Variants in NTN5 observed in about 807,000 individuals in gnomAD.
NTN5 encodes netrin-5.
Under a neutral mutation model 38.7 loss-of-function variants are expected in NTN5, and 42 were observed. The observed-to-expected ratio is 1.08, with a 90% CI of 0.85 to 1.40. NTN5 has a LOEUF of 1.40. Among genes scored for constraint, NTN5 ranks in the 40% most tolerant of loss-of-function variants. The pLI is 0.00. For synonymous variants in NTN5, 329 were observed against 303.9 expected (o/e 1.08, Z -0.86); for missense variants, 658 against 716.5 (o/e 0.92, Z 0.93).
chr19:48,665,557 G>A (rs932166843), intron 2 of NTN5, among the ~76,000 whole-genome samples: 9 of 151,394 alleles, frequency 5.9e-5, no homozygotes, highest in Non-Finnish European at 1.0e-4. Context: ...ACGATGGCTC[G>A]TGCCTGTAAT....
At chr19:48,664,072 T>C in intron 4 of NTN5, 71 bp downstream of exon 4, 1 of 1,501,824 alleles carries the variant, frequency 6.7e-7, no homozygotes, top group Non-Finnish European at 9.0e-7. Context: ...TCACTGCAGC[T>C]GTGCACTGGA....
intron 2 of NTN5, among the ~76,000 whole-genome samples, chr19:48,665,703 C>G (rs956382864): frequency 1.3e-4 from 20 of 151,682 alleles, no homozygotes; most frequent in Admixed American, 7.9e-4. Context: ...CCTGTAATCC[C>G]AGGTACTCAG....
rs770907066 is a variant in NTN5, at chr19:48,664,161, G to A, written c.952C>T (p.Pro318Ser). ...GACTTACGCTGGCAGGGCATCCTGG[G>A]GGAGCGGCTCTGCTGGTAGCCAGGG... is the stretch of plus-strand genomic sequence containing the variant. Reference protein sequence around the residue: ...CGPGYQQSRSPRMPCQRIPEA... With the variant: ...CGPGYQQSRSSRMPCQRIPEA... Residue 318 changes from proline (P) to serine (S), a missense_variant, in exon 4 of 7, where the codon CCC becomes TCC. Transcript: ENST00000270235. 1 of 1,608,262 alleles carries A rather than the reference G, an allele frequency of 6.2e-7. No homozygotes were observed. The highest frequency in any genetic ancestry group is 8.5e-7 in the Non-Finnish European group (1 of 1,177,708).
Position 48,661,517 on chromosome 19 carries a change from A to T in NTN5, c.*160T>A. On this transcript the variant is annotated 3_prime_UTR_variant, in exon 7 of 7. Transcript: ENST00000270235. Reference sequence around the variant, plus strand: ...GAAGTCCCGCTTGCCGCCTTTTGCTAAAAGTTCCGCACGCCTGCTCGGCGT... The same window carrying T: ...GAAGTCCCGCTTGCCGCCTTTTGCTTAAAGTTCCGCACGCCTGCTCGGCGT... 1.1e-6 allele frequency: 1 copy of T among 906,402 alleles called. No homozygotes were observed. Among genetic ancestry groups the T allele is most frequent in the Non-Finnish European group, 1.5e-6 (1 of 677,128 alleles). 56.1% of individuals were successfully genotyped at this position (906,402 alleles called of 1,614,324 possible).
chr19:48,665,234 G>A (rs939870167), intron 2 of NTN5, among the ~76,000 whole-genome samples: 4 of 150,912 alleles, frequency 2.7e-5, no homozygotes, highest in East Asian at 2.0e-4. Flanking sequence ...TCAGGAGTTC[G>A]AGACCCACAT....
At position 48,664,209 on chromosome 19, in the gene NTN5, C is replaced by T. The variant is rs369282024; in HGVS notation, c.904G>A (p.Gly302Ser). Residue 302 changes from glycine to serine, a missense_variant, in exon 4 of 7, where the codon GGC becomes AGC. Physicochemically the swap from Gly to Ser is moderately conservative, Grantham distance 56. Transcript: ENST00000270235. The stretch of plus-strand genomic sequence containing the variant: ...GGGCCACAGCGGTTGCAGGTCAGGC[C>T]TGTGACCCCTAACTTGCAGGTGCAC... ...GQCTCKLGVT[G>S]LTCNRCGPGY... 1.2e-6 allele frequency: 2 copies of T among 1,611,254 alleles called. No homozygotes were observed. The highest frequency in any genetic ancestry group is 2.7e-5 in the African/African-American group (2 of 74,928).
At chr19:48,666,903 G>A (rs892296010) in intron 2 of NTN5, among the ~76,000 whole-genome samples, 8 of 151,690 alleles carry the variant, frequency 5.3e-5, no homozygotes, top group Non-Finnish European at 1.0e-4. Context: ...CAGGCTCATG[G>A]ACACTCTTTG....
chr19:48,665,615 G>T (rs1234715061), intron 2 of NTN5, among the ~76,000 whole-genome samples: 5 of 152,084 alleles, frequency 3.3e-5, no homozygotes, highest in African/African-American at 1.2e-4. Flanking sequence ...GAGGTTAGGA[G>T]TTCAAAACCA....
intron 2 of NTN5, among the ~76,000 whole-genome samples, chr19:48,669,074 TATCACCATC>T (rs2031786890): frequency 2.5e-5 from 1 of 40,254 alleles, no homozygotes; most frequent in African/African-American, 1.0e-4. Flanking sequence ...CCACCACCAC[TATCACCATC>T]ATCACCACCA....
At chr19:48,669,697 TCATCAC>T (rs2031863948) in intron 2 of NTN5, among the ~76,000 whole-genome samples, 1 of 16,998 alleles carries the variant, frequency 5.9e-5, no homozygotes, top group African/African-American at 1.7e-4. Flanking sequence ...ACCACCACCA[TCATCAC>T]CATCACCACC....
Position 48,670,531 on chromosome 19 carries a change from C to A in NTN5, c.456G>T (p.Gly152=). ...FGGQAGLAAA[G]LRGRCQCHGH... ...CATGACACTGGCAGCGGCCTCTCAG[C>A]CCAGCTGCCGCTAGCCCGGCCTGGC... Residue 152 remains glycine (G), a synonymous_variant, in exon 2 of 7, where the codon GGG becomes GGT. Coordinates refer to ENST00000270235, the MANE Select transcript of NTN5 (RefSeq NM_145807.4). 1 of 1,497,278 alleles carries A rather than the reference C, an allele frequency of 6.7e-7. No individual in the cohort carries two copies. 92.7% of individuals were successfully genotyped at this position (1,497,278 alleles called of 1,614,324 possible).
Position 48,670,870 on chromosome 19 carries a change from C to T in NTN5, c.117G>A (p.Val39=). 6.2e-7 allele frequency: 1 copy of T among 1,611,236 alleles called. No individual in the cohort carries two copies. Among genetic ancestry groups the T allele is most frequent in the South Asian group, 1.1e-5 (1 of 90,984 alleles). Residue 39 remains valine (V), a synonymous_variant, in exon 2 of 7, where the codon GTG becomes GTA. Coordinates refer to ENST00000270235, the MANE Select transcript of NTN5 (RefSeq NM_145807.4). The part of the protein sequence containing the change: ...CLPPVTQLAA[V]AASCPQACAL... ...CACAGGCCTGAGGGCAGGAGGCCGC[C>T]ACGGCAGCCAGCTGTGTCACTGGCG...
chr19:48,670,292 G>A (rs559946724), intron 2 of NTN5, 64 bp downstream of exon 2: 41 of 1,362,896 alleles, frequency 3.0e-5, no homozygotes, highest in Middle Eastern at 2.8e-4. Context: ...TCCTGCTCCC[G>A]TAGGGACAAA....
At chr19:48,667,713 G>A (rs777939709) in intron 2 of NTN5, among the ~76,000 whole-genome samples, 11 of 152,146 alleles carry the variant, frequency 7.2e-5, no homozygotes, top group Non-Finnish European at 1.0e-4. Flanking sequence ...AAAATTAGCC[G>A]GGCGTGGTGG....
chr19:48,670,254 C>T, intron 2 of NTN5, 102 bp downstream of exon 2: 4 of 1,227,774 alleles, frequency 3.3e-6, no homozygotes, highest in Non-Finnish European at 4.3e-6. Context: ...AGGCAAGGAG[C>T]ACCCAGTTCC....
At position 48,667,426 on chromosome 19, in the gene NTN5, C is replaced by T. The variant is rs1289686794; in HGVS notation, c.632-2659G>A. The T allele has an allele frequency of 1.7e-5, 7 of 409,850 alleles. No homozygotes were observed. The Admixed American group carries it at 1.9e-4, about 11-fold the overall frequency. 25.4% of individuals were successfully genotyped at this position (409,850 alleles called of 1,614,324 possible). On this transcript the variant is annotated intron_variant, in intron 2 of 6. Coordinates refer to ENST00000270235, the MANE Select transcript of NTN5 (RefSeq NM_145807.4). ...AGCCTCCCCAGCGCCCAGGCCCTGT[C>T]CAGGCCCAGGATGAAGGCTGCCTCA...
At chr19:48,665,435 CAAAA>C (rs1296224197) in intron 2 of NTN5, among the ~76,000 whole-genome samples, 1 of 90,816 alleles carries the variant, frequency 1.1e-5, no homozygotes, top group Non-Finnish European at 2.3e-5. Context: ...GACTCCATCT[CAAAA>C]AAAAAAAAAA....
chr19:48,670,251 G>T, intron 2 of NTN5, 105 bp downstream of exon 2: 1 of 1,215,146 alleles, frequency 8.2e-7, no homozygotes, highest in Non-Finnish European at 1.1e-6. Flanking sequence ...GAGAGGCAAG[G>T]AGCACCCAGT....
In NTN5 at chr19:48,670,640, C is replaced by T. The variant is rs537027993; in HGVS notation, c.347G>A (p.Gly116Glu). 353 of 1,603,084 alleles carry T rather than the reference C, an allele frequency of 2.2e-4. No homozygotes were observed. The South Asian group carries it at 3.6e-3, about 16-fold the overall frequency. ...GTGGAAGGTCACCCTTTCAGGGCCCCCTAAGGCCCCAGGCCAGGCGGGCCT... is the reference window on the plus strand; with the variant it reads ...GTGGAAGGTCACCCTTTCAGGGCCCTCTAAGGCCCCAGGCCAGGCGGGCCT... ...WHRPAWPGAL[G>E]GPERVTFHST... is the part of the protein sequence containing the mutation. Residue 116 changes from glycine to glutamate, a missense_variant, in exon 2 of 7, where the codon GGG (glycine) becomes GAG (glutamate). By Grantham distance (98) the Gly-to-Glu change is moderately conservative. Transcript: ENST00000270235.
Sources: allele counts gnomAD v4.1 joint callset (sites outside exome capture counted in the v4.1 genomes callset), GRCh38; gene constraint gnomAD v4.1.1; transcripts MANE v1.5; gene names NCBI Gene and HGNC (gene_info 2026-07-23, HGNC 2026-07-21).